Variants in CCDC66 observed in about 807,000 individuals in gnomAD.
CCDC66 encodes coiled-coil domain containing 66, also known as coiled-coil domain-containing protein 66.
A neutral mutation model predicts 128.3 loss-of-function variants in CCDC66; 133 were observed. That is an observed-to-expected ratio of 1.04 (90% confidence interval 0.90 to 1.20). CCDC66 has a LOEUF of 1.20. CCDC66 is among the 50% of genes most tolerant of loss of function. The pLI is 0.00. For missense variants in CCDC66, 1,126 were observed against 1,075.5 expected (o/e 1.05, Z -0.66); for synonymous variants, 387 against 357.0 (o/e 1.08, Z -0.95).
intron 14 of CCDC66, chr3:56,617,831 C>T (rs966654878): frequency 1.7e-6 from 1 of 587,020 alleles, no homozygotes; most frequent in East Asian, 2.9e-5. Flanking sequence ...CTTCACACAC[C>T]AGACTAGCAA....
In CCDC66 at chr3:56,621,618, A is replaced by T; in HGVS notation, c.2847A>T (p.Ter949TyrextTer2). 2 of 1,589,574 alleles carry T rather than the reference A, an allele frequency of 1.3e-6. No homozygotes were observed. Among genetic ancestry groups the T allele is most frequent in the South Asian group, 1.1e-5 (1 of 87,564 alleles). The change falls in exon 18 of 18, where the codon TAA (stop) becomes TAT (tyrosine). Residue 949 changes from the stop codon to tyrosine, a stop_lost. Transcript: ENST00000394672. ...NQEESFGSSF[*>Y] ...AAGAGAGTTTTGGTTCTTCATTTTAAATGTAGAAAATCAAATCCTTCACAT... is the reference window on the plus strand; with the variant it reads ...AAGAGAGTTTTGGTTCTTCATTTTATATGTAGAAAATCAAATCCTTCACAT...
intron 10 of CCDC66, among the ~76,000 whole-genome samples, chr3:56,596,438 T>C (rs533363166): frequency 1.3e-5 from 2 of 152,152 alleles, no homozygotes; most frequent in Non-Finnish European, 2.9e-5. Flanking sequence ...TTTGAGTTTC[T>C]TAGGCATTCT....
chr3:56,560,079 A>G (rs2064898512), intron 3 of CCDC66, among the ~76,000 whole-genome samples: 1 of 152,224 alleles, frequency 6.6e-6, no homozygotes, highest in Non-Finnish European at 1.5e-5. Context: ...CCATTTGCCC[A>G]CACCAAAGGG....
intron 12 of CCDC66, 31 bp downstream of exon 12, chr3:56,615,303 T>C (rs769549568): frequency 9.6e-6 from 15 of 1,561,128 alleles, no homozygotes; most frequent in Non-Finnish European, 1.2e-5. Context: ...TTATTTATAA[T>C]ATTTTTAGAA....
Position 56,619,860 on chromosome 3 carries a change from C to T in CCDC66, c.2719C>T (p.Arg907Ter), listed in dbSNP as rs374852204. ...LNPNMVKNRD[R>*]QQAILKGLSE... is the part of the protein sequence containing the mutation. ...TCCTAACATGGTGAAAAATAGGGATCGACAGCAAGCAATCCTTAAGGGACT... is the reference window on the plus strand; with the variant it reads ...TCCTAACATGGTGAAAAATAGGGATTGACAGCAAGCAATCCTTAAGGGACT... The change falls in exon 17 of 18, where the codon CGA becomes TGA. Residue 907 changes from arginine to a stop codon, truncating the protein, a stop_gained. Transcript: ENST00000394672. LOFTEE classifies it high-confidence loss of function. 52 of 1,613,840 alleles carry T rather than the reference C, an allele frequency of 3.2e-5. 3 individuals are homozygous for T. In the South Asian group the frequency reaches 4.5e-4, roughly 14 times the overall value.
In CCDC66 at chr3:56,593,497, G is replaced by T. The variant is rs375942661; in HGVS notation, c.1075G>T (p.Glu359Ter). The change falls in exon 9 of 18, where the codon GAA (glutamate) becomes TAA (stop). Residue 359 changes from glutamate to a stop codon, truncating the protein, a stop_gained. Coordinates refer to ENST00000394672, the MANE Select transcript of CCDC66 (RefSeq NM_001141947.3). LOFTEE classifies it high-confidence loss of function. ...TCTTATTTGTCATCATTAGGGTGAG[G>T]AACATGACAGATGGGCAATGCACTT... The part of the protein sequence containing the change: ...EEKIIYSKGE[E>*]HDRWAMHFDS... 2 of 1,613,936 alleles carry T rather than the reference G, an allele frequency of 1.2e-6. No homozygotes were observed. The highest frequency in any genetic ancestry group is 3.3e-5 in the Admixed American group (2 of 60,018).
intron 7 of CCDC66, among the ~76,000 whole-genome samples, chr3:56,590,788 A>G (rs1316415351): frequency 1.3e-5 from 2 of 152,112 alleles, no homozygotes; most frequent in African/African-American, 4.8e-5. Flanking sequence ...AATAGGCTCC[A>G]AACACGTTTA....
chr3:56,617,676 T>C, intron 14 of CCDC66, 71 bp downstream of exon 14: 1 of 1,513,808 alleles, frequency 6.6e-7, no homozygotes, highest in Non-Finnish European at 8.9e-7. Flanking sequence ...ATACGTATGC[T>C]TTGGTAAGGC....
chr3:56,583,624 AT>A (rs1410544592), intron 7 of CCDC66, among the ~76,000 whole-genome samples: 28 of 151,936 alleles, frequency 1.8e-4, no homozygotes, highest in Non-Finnish European at 4.4e-5. Flanking sequence ...GGGCAAGGTC[AT>A]AGATCAACAG....
chr3:56,582,762 G>A (rs947051100), intron 7 of CCDC66, among the ~76,000 whole-genome samples: 5 of 150,964 alleles, frequency 3.3e-5, no homozygotes, highest in Middle Eastern at 3.4e-3. Context: ...CATAAACTTC[G>A]ATCTACATTA....
rs1018066408 is a variant in CCDC66 at position 56,576,663 on chromosome 3, T to A, written c.936+5361T>A. On this transcript the variant is annotated intron_variant, in intron 7 of 17. Transcript: ENST00000394672. Reference sequence around the variant, plus strand: ...TAAGTGAGAACATGCAATGTTTGGTTTTCTCTCCTTGCAATAGTTTGCTTA... The same window carrying A: ...TAAGTGAGAACATGCAATGTTTGGTATTCTCTCCTTGCAATAGTTTGCTTA... Among the ~76,000 whole-genome samples, 11 of 150,980 alleles carry A rather than the reference T, an allele frequency of 7.3e-5. 2 individuals carry two copies. The highest frequency in any genetic ancestry group is 4.0e-4 in the Admixed American group (6 of 14,836).
At chr3:56,575,130 T>G (rs954336239) in intron 7 of CCDC66, among the ~76,000 whole-genome samples, 1 of 151,850 alleles carries the variant, frequency 6.6e-6, no homozygotes, top group Non-Finnish European at 1.5e-5. Context: ...AATTTTAATT[T>G]TGTAATTTTG....
Sources: gnomAD v4.1 joint callset for allele counts (sites outside exome capture counted in the v4.1 genomes callset) on GRCh38, gnomAD v4.1.1 for gene constraint, MANE v1.5 for transcripts, NCBI Gene and HGNC (gene_info 2026-07-23, HGNC 2026-07-21) for gene names.